Variants in STXBP5 observed in about 807,000 individuals in gnomAD.
The protein encoded by STXBP5 is syntaxin-binding protein 5.
STXBP5 carries 50 observed loss-of-function variants against 152.4 expected under a neutral mutation model. The observed-to-expected ratio is 0.33, with a 90% CI of 0.26 to 0.42. STXBP5 has a LOEUF of 0.42. Among genes scored for constraint, STXBP5 ranks in the 10% least tolerant of loss-of-function variants. The pLI, the probability that STXBP5 is intolerant of heterozygous loss-of-function variation, is 1.00. For missense variants in STXBP5, 1,167 were observed against 1,388.6 expected, an observed-to-expected ratio of 0.84 and a Z score of 2.54; for synonymous variants, 492 against 494.7, an observed-to-expected ratio of 0.99 and a Z score of 0.07.
chr6:147,360,901 T>C (rs1785035796), intron 23 of STXBP5, among the ~76,000 whole-genome samples: 1 of 152,156 alleles, frequency 6.6e-6, no homozygotes, highest in Non-Finnish European at 1.5e-5. Flanking sequence ...GTGCCGACTT[T>C]TACAGTTTTT....
chr6:147,374,510 C>G (rs1302489029), intron 26 of STXBP5, among the ~76,000 whole-genome samples: 1 of 151,854 alleles, frequency 6.6e-6, no homozygotes, highest in Non-Finnish European at 1.5e-5. Context: ...AGTTTTAGTT[C>G]AGTTTAAAAA....
chr6:147,238,332 A>G (rs1778378192), intron 3 of STXBP5, among the ~76,000 whole-genome samples: 1 of 152,136 alleles, frequency 6.6e-6, no homozygotes, highest in South Asian at 2.1e-4. Context: ...TCACTAGCAT[A>G]AGAACTAATC....
intron 6 of STXBP5, among the ~76,000 whole-genome samples, chr6:147,262,920 G>A (rs986477068): frequency 6.6e-6 from 1 of 151,676 alleles, no homozygotes; most frequent in Non-Finnish European, 1.5e-5. Flanking sequence ...ATTTTTGGAT[G>A]AATTTTTATT....
At chr6:147,231,107 A>C (rs1777983832) in intron 2 of STXBP5, among the ~76,000 whole-genome samples, 1 of 151,708 alleles carries the variant, frequency 6.6e-6, no homozygotes, top group South Asian at 2.1e-4. Context: ...TAAATAGATA[A>C]GGTTTTACTG....
At position 147,385,565 on chromosome 6, in the gene STXBP5, T is replaced by C. The variant is rs1283215456; in HGVS notation, c.*810T>C. 1.3e-5 allele frequency: 2 copies of C among 152,072 alleles called. No homozygotes were observed. Among genetic ancestry groups the C allele is most frequent in the African/African-American group, 4.8e-5 (2 of 41,432 alleles). 9.4% of individuals were successfully genotyped at this position (152,072 alleles called of 1,614,324 possible). A position where few individuals can be genotyped will look rare whatever the true frequency, so the allele number is the denominator to read the frequency against. ...CATTGTGGTGAGGAGAATACTTCAA[T>C]GTCCCTTGTCCTTGTTCTCATTAAT... On this transcript the variant is annotated 3_prime_UTR_variant, in exon 28 of 28. Coordinates refer to ENST00000321680, the MANE Select transcript of STXBP5 (RefSeq NM_001127715.4).
chr6:147,221,423 A>C (rs1175018302), intron 2 of STXBP5, among the ~76,000 whole-genome samples: 1 of 152,016 alleles, frequency 6.6e-6, no homozygotes, highest in African/African-American at 2.4e-5. Flanking sequence ...CATTTTCTTT[A>C]AGAAAAAAAC....
chr6:147,265,849 A>G (rs1424608201), intron 6 of STXBP5, among the ~76,000 whole-genome samples: 7 of 152,062 alleles, frequency 4.6e-5, no homozygotes, highest in Middle Eastern at 3.2e-3. Context: ...GGTTTTACAG[A>G]CTGCACGATA....
At chr6:147,363,889 T>C (rs527529109) in intron 24 of STXBP5, 112 bp from the exon 25 acceptor site, 15 of 1,376,566 alleles carry the variant, frequency 1.1e-5, no homozygotes, top group Middle Eastern at 1.9e-4. Context: ...CCCACTCAAG[T>C]ATACAAACTA....
chr6:147,213,107 T>C (rs1776942916), intron 2 of STXBP5, among the ~76,000 whole-genome samples: 1 of 152,148 alleles, frequency 6.6e-6, no homozygotes, highest in Non-Finnish European at 1.5e-5. Context: ...AATTTGGTAA[T>C]TGTATAGTGT....
chr6:147,217,000 G>A (rs1777203110), intron 2 of STXBP5, among the ~76,000 whole-genome samples: 1 of 152,152 alleles, frequency 6.6e-6, no homozygotes, highest in Non-Finnish European at 1.5e-5. Context: ...GTGCAGTCTG[G>A]AACTTTGAAG....
At chr6:147,326,933 T>C (rs1783289424) in intron 17 of STXBP5, among the ~76,000 whole-genome samples, 192 bp from the exon 18 acceptor site, 1 of 152,222 alleles carries the variant, frequency 6.6e-6, no homozygotes, top group South Asian at 2.1e-4. Context: ...TATTAAATAA[T>C]GTCTGCAGAA....
At chr6:147,376,833 A>G (rs1785833363) in intron 26 of STXBP5, among the ~76,000 whole-genome samples, 1 of 152,144 alleles carries the variant, frequency 6.6e-6, no homozygotes, top group Non-Finnish European at 1.5e-5. Flanking sequence ...TAATTAATTA[A>G]TTAAACAGAA....
chr6:147,380,752 C>G (rs1198855338), intron 26 of STXBP5, among the ~76,000 whole-genome samples: 1 of 151,934 alleles, frequency 6.6e-6, no homozygotes, highest in Non-Finnish European at 1.5e-5. Flanking sequence ...GAAATATTTG[C>G]AAATCACATA....
chr6:147,345,927 T>C (rs1310379828), intron 21 of STXBP5, among the ~76,000 whole-genome samples: 2 of 152,164 alleles, frequency 1.3e-5, no homozygotes. Flanking sequence ...ACCAGACAGT[T>C]TGATGTCCTT....
In STXBP5 at chr6:147,350,431, TTAAA is replaced by T. The variant is rs1212372207; in HGVS notation, c.2255-2887_2255-2884del. Among the ~76,000 whole-genome samples, 6 of 152,130 alleles carry T rather than the reference TTAAA, an allele frequency of 3.9e-5. No homozygotes were observed. In the South Asian group the frequency reaches 8.3e-4, roughly 21 times the overall value. Reference sequence around the variant, plus strand: ...GATGGTGAATGAAAGCATAAATATGTTAAATAAACGTTCCTAATTGATTAAAATA... The same window carrying T: ...GATGGTGAATGAAAGCATAAATATGTTAAACGTTCCTAATTGATTAAAATA... On this transcript the variant is annotated intron_variant, in intron 21 of 27. Coordinates refer to ENST00000321680, the MANE Select transcript of STXBP5 (RefSeq NM_001127715.4).
At chr6:147,372,376 C>A (rs1455302005) in intron 25 of STXBP5, among the ~76,000 whole-genome samples, 1 of 132,366 alleles carries the variant, frequency 7.6e-6, no homozygotes, top group African/African-American at 2.8e-5. Context: ...TATAGCAGAA[C>A]TCCTATATAA....
At chr6:147,213,434 ATG>A (rs1159372834) in intron 2 of STXBP5, among the ~76,000 whole-genome samples, 7,346 of 85,312 alleles carry the variant, frequency 0.086, 274 homozygotes, top group Admixed American at 0.13. Flanking sequence ...AATTTTATAT[ATG>A]TGTGTGTGTG....
intron 26 of STXBP5, among the ~76,000 whole-genome samples, chr6:147,379,508 GTATA>G (rs1785974392): frequency 1.3e-5 from 2 of 152,276 alleles, no homozygotes; most frequent in African/African-American, 4.8e-5. Flanking sequence ...ATGTCTGTAT[GTATA>G]TATACACATA....
intron 4 of STXBP5, among the ~76,000 whole-genome samples, chr6:147,257,797 C>T (rs1665113698): frequency 6.6e-6 from 1 of 152,148 alleles, no homozygotes; most frequent in Non-Finnish European, 1.5e-5. Flanking sequence ...TCTATTTCTG[C>T]ATAGAAGAAC....
Sources: gnomAD v4.1 joint callset for allele counts (sites outside exome capture counted in the v4.1 genomes callset) on GRCh38, gnomAD v4.1.1 for gene constraint, MANE v1.5 for transcripts, NCBI Gene and HGNC (gene_info 2026-07-23, HGNC 2026-07-21) for gene names.